Variants in ZNF385D observed in about 807,000 individuals in gnomAD.
ZNF385D encodes zinc finger protein 385D.
A neutral mutation model predicts 35.8 loss-of-function variants in ZNF385D; 15 were observed. That is an observed-to-expected ratio of 0.42 (90% CI 0.28 to 0.64). The LOEUF (loss-of-function observed/expected upper bound fraction) is 0.64. ZNF385D is among the 30% of genes least tolerant of loss of function. The pLI, the probability that ZNF385D is intolerant of heterozygous loss-of-function variation, is 0.23. For synonymous variants in ZNF385D, 212 were observed against 186.8 expected (o/e 1.13, Z -1.10); for missense variants, 474 against 494.6 (o/e 0.96, Z 0.39).
At chr3:21,982,148 G>A (rs1339630106) in intron 3 of ZNF385D, among the ~76,000 whole-genome samples, 1 of 142,830 alleles carries the variant, frequency 7.0e-6, no homozygotes, top group East Asian at 2.1e-4. Context: ...CCCTGAATTT[G>A]TAAATTGCTG....
chr3:21,749,290 C>T (rs2069938750), intron 1 of ZNF385D, among the ~76,000 whole-genome samples: 1 of 152,146 alleles, frequency 6.6e-6, no homozygotes, highest in Non-Finnish European at 1.5e-5. Context: ...AACATTTCTC[C>T]AATAGTCACA....
chr3:22,220,864 G>A (rs1698212154), intron 2 of ZNF385D, among the ~76,000 whole-genome samples: 1 of 151,992 alleles, frequency 6.6e-6, no homozygotes, highest in African/African-American at 2.4e-5. Flanking sequence ...AATAGTTTTT[G>A]TTCTACTCCC....
intron 2 of ZNF385D, among the ~76,000 whole-genome samples, chr3:22,270,202 A>T (rs768181890): frequency 5.3e-5 from 8 of 151,984 alleles, no homozygotes; most frequent in African/African-American, 1.9e-4. Flanking sequence ...TCACAGCTCA[A>T]ATGGTACACT....
At chr3:22,270,791 A>T (rs999940374) in intron 2 of ZNF385D, among the ~76,000 whole-genome samples, 3 of 151,982 alleles carry the variant, frequency 2.0e-5, no homozygotes, top group African/African-American at 7.2e-5. Flanking sequence ...TATTTTAAAC[A>T]TATGTAGCTT....
rs77222192 is a variant in ZNF385D, at chr3:21,470,033, G to A, written c.440-32830C>T. Among the ~76,000 whole-genome samples the A allele has an allele frequency of 4.6e-3, 708 of 152,270 alleles. 4 individuals are homozygous for A. The highest frequency in any genetic ancestry group is 0.016 in the African/African-American group (667 of 41,562). On this transcript the variant is annotated intron_variant, in intron 4 of 7. Coordinates refer to ENST00000281523, the MANE Select transcript of ZNF385D (RefSeq NM_024697.3). ...ATGGAAGTCGTAGCAACTAAGTATA[G>A]CTACTTTTCTCTAAGCACTTTGCTT...
At chr3:21,534,731 A>G (rs1453344524) in intron 3 of ZNF385D, among the ~76,000 whole-genome samples, 1 of 152,116 alleles carries the variant, frequency 6.6e-6, no homozygotes, top group Non-Finnish European at 1.5e-5. Context: ...TCCTTAATCT[A>G]TGGGAAAACT....
chr3:21,965,390 C>T (rs889932386), intron 3 of ZNF385D, among the ~76,000 whole-genome samples: 6 of 152,108 alleles, frequency 3.9e-5, no homozygotes, highest in Admixed American at 2.0e-4. Flanking sequence ...ATGAGCAAGA[C>T]AGATACATTT....
intron 1 of ZNF385D, among the ~76,000 whole-genome samples, chr3:21,666,446 A>G (rs2066409228): frequency 6.6e-6 from 1 of 152,230 alleles, no homozygotes; most frequent in Admixed American, 6.6e-5. Context: ...TGAAATAATA[A>G]TAGCACGGCC....
At chr3:22,160,550 G>A (rs1705876761) in intron 3 of ZNF385D, among the ~76,000 whole-genome samples, 1 of 151,974 alleles carries the variant, frequency 6.6e-6, no homozygotes, top group Non-Finnish European at 1.5e-5. Flanking sequence ...AATATCTTCT[G>A]GGGCAATCAA....
chr3:22,289,492 C>G (rs1702189110), intron 2 of ZNF385D, among the ~76,000 whole-genome samples: 1 of 152,110 alleles, frequency 6.6e-6, no homozygotes, highest in Non-Finnish European at 1.5e-5. Context: ...ACCACTGATT[C>G]CCAAATTCAG....
chr3:21,604,716 G>C (rs1227735329), intron 2 of ZNF385D, among the ~76,000 whole-genome samples: 1 of 152,126 alleles, frequency 6.6e-6, no homozygotes, highest in African/African-American at 2.4e-5. Flanking sequence ...AGGAAACTAG[G>C]TTGTAAGAGT....
At chr3:21,840,153 G>A (rs1695571415) in intron 3 of ZNF385D, among the ~76,000 whole-genome samples, 1 of 152,034 alleles carries the variant, frequency 6.6e-6, no homozygotes, top group African/African-American at 2.4e-5. Flanking sequence ...ATTCAATGAT[G>A]TTTTAAACTG....
chr3:21,657,319 G>GT (rs1326888416), intron 2 of ZNF385D, among the ~76,000 whole-genome samples: 1 of 151,914 alleles, frequency 6.6e-6, no homozygotes, highest in Non-Finnish European at 1.5e-5. Context: ...ATATTCATGC[G>GT]TTGTGCATTT....
intron 4 of ZNF385D, among the ~76,000 whole-genome samples, chr3:21,484,018 T>C (rs1704843501): frequency 6.6e-6 from 1 of 152,098 alleles, no homozygotes; most frequent in Admixed American, 6.6e-5. Context: ...ACAGGGGAAA[T>C]TTAATGTTAA....
chr3:22,334,741 T>A (rs1047498303), intron 2 of ZNF385D, among the ~76,000 whole-genome samples: 29 of 152,162 alleles, frequency 1.9e-4, no homozygotes, highest in Admixed American at 3.3e-4. Flanking sequence ...TTTCTTCATA[T>A]TCAGTTTTTA....
chr3:21,424,521 G>A (rs981368237), intron 6 of ZNF385D, among the ~76,000 whole-genome samples: 1 of 149,712 alleles, frequency 6.7e-6, no homozygotes, highest in African/African-American at 2.5e-5. Flanking sequence ...CACCATCTTG[G>A]CCAGGCTGGT....
intron 4 of ZNF385D, among the ~76,000 whole-genome samples, chr3:21,492,141 A>C (rs901283697): frequency 2.6e-5 from 4 of 152,114 alleles, no homozygotes; most frequent in Non-Finnish European, 4.4e-5. Context: ...AATAAATAAA[A>C]AGATGGCTGA....
intron 2 of ZNF385D, among the ~76,000 whole-genome samples, chr3:21,601,623 CTAAT>C (rs1328076454): frequency 6.6e-6 from 1 of 152,156 alleles, no homozygotes; most frequent in Non-Finnish European, 1.5e-5. Flanking sequence ...AATTTTAGTG[CTAAT>C]TATTTGTAAA....
At chr3:22,351,185 AAAG>A in intron 2 of ZNF385D, among the ~76,000 whole-genome samples, 1 of 152,148 alleles carries the variant, frequency 6.6e-6, no homozygotes, top group Admixed American at 6.5e-5. Context: ...ATAGGAATGC[AAAG>A]TAGCCAGAAT....
Sources: allele counts gnomAD v4.1 joint callset (sites outside exome capture counted in the v4.1 genomes callset), GRCh38; gene constraint gnomAD v4.1.1; transcripts MANE v1.5; gene names NCBI Gene and HGNC (gene_info 2026-07-23, HGNC 2026-07-21).